Variants in PRKN observed in about 807,000 individuals in gnomAD.
PRKN encodes E3 ubiquitin-protein ligase parkin.
PRKN carries 56 observed loss-of-function variants against 59.5 expected under a neutral mutation model. That is an observed-to-expected ratio of 0.94 (90% CI 0.76 to 1.18). The LOEUF is 1.18. Ranked by LOEUF, PRKN falls within the 50% of genes most tolerant of loss-of-function variation. PRKN has a pLI of 0.00. For missense variants in PRKN, 657 were observed against 596.4 expected (o/e 1.10, Z -1.06); for synonymous variants, 250 against 222.1 (o/e 1.13, Z -1.12).
intron 6 of PRKN, among the ~76,000 whole-genome samples, chr6:161,897,733 G>A (rs1038622418): frequency 3.3e-5 from 5 of 150,824 alleles, no homozygotes; most frequent in African/African-American, 1.2e-4. Flanking sequence ...TGTAATCCCA[G>A]CACTTTGGGA....
At chr6:162,216,060 G>A (rs983004856) in intron 3 of PRKN, among the ~76,000 whole-genome samples, 4 of 152,012 alleles carry the variant, frequency 2.6e-5, no homozygotes, top group African/African-American at 9.7e-5. Context: ...GAAAACTGAA[G>A]GGCAATGAAC....
chr6:161,659,677 A>C (rs1784475075), intron 7 of PRKN, among the ~76,000 whole-genome samples: 1 of 152,092 alleles, frequency 6.6e-6, no homozygotes, highest in Non-Finnish European at 1.5e-5. Context: ...ACGGCCCTGG[A>C]GGACATGGTC....
At chr6:162,561,549 A>G (rs35017019) in intron 1 of PRKN, among the ~76,000 whole-genome samples, 15,333 of 152,184 alleles carry the variant, frequency 0.1, 934 homozygotes, top group Middle Eastern at 0.19. Context: ...TGAAAGAGGC[A>G]CTGAAGTGAT....
intron 7 of PRKN, among the ~76,000 whole-genome samples, chr6:161,623,392 G>T (rs758052785): frequency 6.6e-6 from 1 of 152,178 alleles, no homozygotes; most frequent in African/African-American, 2.4e-5. Flanking sequence ...TTTTATTGTA[G>T]TATTCCCTAG....
At chr6:161,742,500 G>A (rs1040005945) in intron 7 of PRKN, among the ~76,000 whole-genome samples, 2 of 152,134 alleles carry the variant, frequency 1.3e-5, no homozygotes, top group Non-Finnish European at 1.5e-5. Flanking sequence ...TCTTCATGAC[G>A]CTTTCAAAAC....
intron 7 of PRKN, among the ~76,000 whole-genome samples, chr6:161,699,289 T>C (rs1401541396): frequency 6.6e-6 from 1 of 152,182 alleles, no homozygotes; most frequent in Non-Finnish European, 1.5e-5. Context: ...GTACAACCAC[T>C]TTGGAAAATA....
intron 9 of PRKN, among the ~76,000 whole-genome samples, chr6:161,474,013 C>T (rs572337810): frequency 1.3e-5 from 2 of 152,156 alleles, no homozygotes; most frequent in South Asian, 4.2e-4. Context: ...CAGACTTCCT[C>T]GAAAAACAGA....
chr6:162,454,764 C>T lies in PRKN; in HGVS notation c.8-11291G>A, dbSNP rs183166643. ...GCTTCCCTTCGAAATCAACATTCTC[C>T]CACTTCACAAAACAAAGGAATACAC... On this transcript the variant is annotated intron_variant, in intron 1 of 11. Coordinates refer to ENST00000366898, the MANE Select transcript of PRKN (RefSeq NM_004562.3). Among the ~76,000 whole-genome samples the T allele has an allele frequency of 1.6e-4, 25 of 152,160 alleles. 1 individual carries two copies. The highest frequency in any genetic ancestry group is 2.5e-4 in the Non-Finnish European group (17 of 68,026).
intron 2 of PRKN, among the ~76,000 whole-genome samples, chr6:162,420,229 A>G (rs1788886771): frequency 6.9e-6 from 1 of 144,204 alleles, no homozygotes; most frequent in African/African-American, 2.6e-5. Context: ...GGAGCGTGCA[A>G]CCTAGATTCT....
At chr6:161,949,627 T>A (rs898218682) in intron 6 of PRKN, among the ~76,000 whole-genome samples, 2 of 152,234 alleles carry the variant, frequency 1.3e-5, no homozygotes, top group Admixed American at 6.5e-5. Flanking sequence ...ATTCTTTGTC[T>A]ACTTTTACTT....
chr6:161,799,457 G>A (rs368649312), intron 6 of PRKN, among the ~76,000 whole-genome samples: 6 of 152,182 alleles, frequency 3.9e-5, no homozygotes, highest in East Asian at 1.9e-4. Context: ...CCCCCCATCT[G>A]CCAGAGTTAG....
intron 2 of PRKN, among the ~76,000 whole-genome samples, chr6:162,336,923 A>G (rs1266216811): frequency 6.6e-6 from 1 of 152,206 alleles, no homozygotes; most frequent in Non-Finnish European, 1.5e-5. Flanking sequence ...GGGGGAGAAC[A>G]TATCTACTCT....
chr6:162,409,817 T>C (rs1349647576), intron 2 of PRKN, among the ~76,000 whole-genome samples: 1 of 152,158 alleles, frequency 6.6e-6, no homozygotes, highest in African/African-American at 2.4e-5. Flanking sequence ...CAAAGACGAA[T>C]TTAAAATCAA....
chr6:162,674,795 C>T (rs188060254), intron 1 of PRKN, among the ~76,000 whole-genome samples: 2 of 152,124 alleles, frequency 1.3e-5, no homozygotes, highest in Non-Finnish European at 2.9e-5. Flanking sequence ...CAGGCAACAA[C>T]TAATGCTAGG....
At chr6:161,624,613 G>A (rs1374523376) in intron 7 of PRKN, among the ~76,000 whole-genome samples, 4 of 152,182 alleles carry the variant, frequency 2.6e-5, no homozygotes, top group Non-Finnish European at 4.4e-5. Flanking sequence ...ATCATGCAAG[G>A]TTAGCACTGG....
In PRKN at chr6:162,269,886, T is replaced by C. The variant is rs1231812633; in HGVS notation, c.172-7121A>G. Reference sequence around the variant, plus strand: ...CGAAAACAGTAGATGTTGGTGTGGATGCGGTGATCAGGGAACACTTCTACA... The same window carrying C: ...CGAAAACAGTAGATGTTGGTGTGGACGCGGTGATCAGGGAACACTTCTACA... On this transcript the variant is annotated intron_variant, in intron 2 of 11. Transcript: ENST00000366898. 2.0e-5 allele frequency: 3 copies of C among 152,138 alleles called. No individual in the cohort carries two copies. In the East Asian group the frequency reaches 5.8e-4, roughly 29 times the overall value. 9.4% of individuals were successfully genotyped at this position (152,138 alleles called of 1,614,324 possible).
intron 1 of PRKN, among the ~76,000 whole-genome samples, chr6:162,469,694 C>T (rs1347468041): frequency 6.6e-6 from 1 of 151,884 alleles, no homozygotes; most frequent in Non-Finnish European, 1.5e-5. Flanking sequence ...ATGCAAAGGC[C>T]TAAGAATGAC....
At chr6:162,571,395 T>C (rs1274012311) in intron 1 of PRKN, 3 of 149,948 alleles carry the variant, frequency 2.0e-5, no homozygotes, top group Non-Finnish European at 4.4e-5. Context: ...ACGCATACTA[T>C]GTACCCACAA....
intron 2 of PRKN, among the ~76,000 whole-genome samples, chr6:162,307,680 C>A (rs752544309): frequency 3.9e-5 from 6 of 152,042 alleles, no homozygotes; most frequent in Non-Finnish European, 8.8e-5. Context: ...TGGAGATTAT[C>A]CTAAATGATG....
Sources: gnomAD v4.1 joint callset for allele counts (sites outside exome capture counted in the v4.1 genomes callset) on GRCh38, gnomAD v4.1.1 for gene constraint, MANE v1.5 for transcripts, NCBI Gene and HGNC (gene_info 2026-07-23, HGNC 2026-07-21) for gene names.